The following MYO1E variants were observed in gnomAD, a reference collection of about 807,000 sequenced individuals.
MYO1E encodes the protein myosin IE, also known as unconventional myosin-Ie.
A neutral mutation model predicts 151.1 loss-of-function variants in MYO1E; 68 were observed. The ratio of observed to expected loss-of-function variants is 0.45; its 90% CI spans 0.37 to 0.55. MYO1E has a LOEUF of 0.55. Among genes scored for constraint, MYO1E ranks in the 20% least tolerant of loss-of-function variants. MYO1E has a pLI of 0.00. For missense variants in MYO1E, 1,363 were observed against 1,389.3 expected, an observed-to-expected ratio of 0.98 and a Z score of 0.30; for synonymous variants, 601 against 501.7, an observed-to-expected ratio of 1.20 and a Z score of -2.64.
intron 1 of MYO1E, 42 bp from the exon 2 acceptor site, chr15:59,272,491 C>A: frequency 6.2e-7 from 1 of 1,603,800 alleles, no homozygotes; most frequent in Admixed American, 1.7e-5. Context: ...AGTTTGTTTT[C>A]CCCTGTAGTA....
chr15:59,360,454 T>C (rs2080878836), intron 1 of MYO1E, among the ~76,000 whole-genome samples: 2 of 152,186 alleles, frequency 1.3e-5, no homozygotes. Context: ...GCAAGAAGTA[T>C]TGTCCCCACC....
At chr15:59,355,626 T>A (rs2080848639) in intron 1 of MYO1E, among the ~76,000 whole-genome samples, 1 of 152,238 alleles carries the variant, frequency 6.6e-6, no homozygotes, top group Admixed American at 6.5e-5. Context: ...AACCTGTCCT[T>A]CAAAACCACA....
chr15:59,193,024 G>A (rs1233592584), intron 17 of MYO1E, among the ~76,000 whole-genome samples: 1 of 152,206 alleles, frequency 6.6e-6, no homozygotes, highest in Admixed American at 6.5e-5. Flanking sequence ...GAGATGAAGA[G>A]TCTCGCTCTA....
At position 59,159,544 on chromosome 15, in the gene MYO1E, G is replaced by A. The variant is rs1321442929; in HGVS notation, c.2786-1165C>T. 6.6e-6 allele frequency among the ~76,000 whole-genome samples: 1 copy of A among 152,134 alleles called. No homozygotes were observed. The highest frequency in any genetic ancestry group is 2.4e-5 in the African/African-American group (1 of 41,426). On this transcript the variant is annotated intron_variant, in intron 24 of 27. Coordinates refer to ENST00000288235, the MANE Select transcript of MYO1E (RefSeq NM_004998.4). The surrounding 1 kb of genome is among the most constrained non-coding windows in gnomAD (Gnocchi z 4.4). ...CTGACTGTAGCCTTCAGTTCACCTC[G>A]TTCCTCCCTCTGCTGCTTCAGGTTT...
intron 26 of MYO1E, 126 bp from the exon 27 acceptor site, chr15:59,138,493 CAT>C (rs1160928544): frequency 7.7e-6 from 8 of 1,035,088 alleles, no homozygotes; most frequent in Admixed American, 2.2e-5. Flanking sequence ...CCTTAGAAGA[CAT>C]GTGGCCCAGG....
chr15:59,276,085 G>C (rs866141356), intron 1 of MYO1E, among the ~76,000 whole-genome samples: 1 of 152,104 alleles, frequency 6.6e-6, no homozygotes, highest in South Asian at 2.1e-4. Flanking sequence ...ATATGCAATA[G>C]GGCTCTGGGG....
rs560863325 is a variant in MYO1E, at chr15:59,172,486, A to G, written c.2335-444T>C. On this transcript the variant is annotated intron_variant, in intron 21 of 27. Transcript: ENST00000288235. ...CTGTTGAGAGGCCATTCCATTCATC[A>G]CATGACCGGGCCCCATGACAGTGAA... Among the ~76,000 whole-genome samples, 11 of 152,332 alleles carry G rather than the reference A, an allele frequency of 7.2e-5. No homozygotes were observed. The East Asian group carries it at 2.1e-3, about 29-fold the overall frequency.
chr15:59,151,288 G>C (rs561129438), intron 26 of MYO1E, among the ~76,000 whole-genome samples: 2 of 152,066 alleles, frequency 1.3e-5, no homozygotes, highest in East Asian at 2.0e-4. Context: ...AAATTAGCTG[G>C]GTGTGGTGGC....
chr15:59,236,466 T>C, intron 5 of MYO1E, 119 bp downstream of exon 5: 2 of 774,622 alleles, frequency 2.6e-6, no homozygotes, highest in Admixed American at 2.1e-5. Context: ...ATTTCAAGTT[T>C]CACAGTTATA....
chr15:59,182,977 G>A (rs1216108471), intron 18 of MYO1E, among the ~76,000 whole-genome samples: 10 of 152,160 alleles, frequency 6.6e-5, no homozygotes, highest in African/African-American at 1.9e-4. Flanking sequence ...TCCCTCGCAC[G>A]TGCAGTTCAC....
At chr15:59,145,877 T>C (rs1471628832) in intron 26 of MYO1E, among the ~76,000 whole-genome samples, 2 of 152,206 alleles carry the variant, frequency 1.3e-5, no homozygotes, top group African/African-American at 4.8e-5. Flanking sequence ...AATGTTACAG[T>C]TCAGGCCTTT....
In MYO1E at chr15:59,160,332, A is replaced by AGTGC. The variant is rs1203414377; in HGVS notation, c.2785+737_2785+740dup. On this transcript the variant is annotated intron_variant, in intron 24 of 27. Coordinates refer to ENST00000288235, the MANE Select transcript of MYO1E (RefSeq NM_004998.4). ...AAGGAGTTAGACTGGGGTTTGAGGT[A>AGTGC]GTGCGTGTGTGTGTGTGTGTGTGTG... Among the ~76,000 whole-genome samples, 41 of 117,220 alleles carry AGTGC rather than the reference A, an allele frequency of 3.5e-4. No individual in the cohort carries two copies. In the South Asian group the frequency reaches 6.4e-3, roughly 18 times the overall value. The allele number at this position is 117,220 out of a possible 152,430, so 76.9% of individuals were successfully genotyped here.
chr15:59,216,987 C>T (rs1266784081), intron 10 of MYO1E, among the ~76,000 whole-genome samples: 1 of 151,990 alleles, frequency 6.6e-6, no homozygotes, highest in African/African-American at 2.4e-5. Flanking sequence ...TGAGGATATT[C>T]AAGGAGAGGT....
intron 27 of MYO1E, 39 bp from the exon 28 acceptor site, chr15:59,137,495 A>C (rs772270452): frequency 6.4e-7 from 1 of 1,563,550 alleles, no homozygotes; most frequent in Non-Finnish European, 8.8e-7. Context: ...AAGATGAGAA[A>C]GTCTGTTCTG....
intron 1 of MYO1E, among the ~76,000 whole-genome samples, chr15:59,359,369 G>C (rs2080873252): frequency 6.7e-6 from 1 of 149,268 alleles, no homozygotes; most frequent in South Asian, 2.1e-4. Flanking sequence ...CATGCCTGTA[G>C]TCCCAGATAC....
intron 4 of MYO1E, among the ~76,000 whole-genome samples, chr15:59,238,812 C>A (rs577883331): frequency 6.6e-6 from 1 of 152,164 alleles, no homozygotes; most frequent in African/African-American, 2.4e-5. Flanking sequence ...CCCAGGTGAT[C>A]CGCCTGCCTT....
chr15:59,291,143 C>G (rs1440691584), intron 1 of MYO1E, among the ~76,000 whole-genome samples: 1 of 152,186 alleles, frequency 6.6e-6, no homozygotes, highest in African/African-American at 2.4e-5. Flanking sequence ...TTTCTGGTTG[C>G]AAAAATGCTG....
chr15:59,188,252 G>A (rs1231754126), intron 17 of MYO1E, 36 bp from the exon 18 acceptor site: 1 of 1,532,892 alleles, frequency 6.5e-7, no homozygotes, highest in Non-Finnish European at 9.0e-7. Flanking sequence ...GGACATTACT[G>A]GATAATCCTT....
chr15:59,188,593 G>A (rs1272509760), intron 17 of MYO1E, among the ~76,000 whole-genome samples: 2 of 152,178 alleles, frequency 1.3e-5, no homozygotes, highest in African/African-American at 2.4e-5. Flanking sequence ...CTACTCGGGA[G>A]GCTGAGGCAG....
Sources: gnomAD v4.1 joint callset for allele counts (sites outside exome capture counted in the v4.1 genomes callset) on GRCh38, gnomAD v4.1.1 for gene constraint, Gnocchi (gnomAD v3.1) non-coding constraint, MANE v1.5 for transcripts, NCBI Gene and HGNC (gene_info 2026-07-23, HGNC 2026-07-21) for gene names.